ME3: variants seen among roughly 807,000 people sequenced by gnomAD.
ME3 encodes the protein malic enzyme 3.
In ME3, 48 loss-of-function variants were observed where a neutral mutation model predicts 68.9. The ratio of observed to expected loss-of-function variants is 0.70; its 90% CI spans 0.55 to 0.89. The LOEUF (loss-of-function observed/expected upper bound fraction) is 0.89. ME3 is among the 40% of genes least tolerant of loss of function. The probability of loss-of-function intolerance (pLI) is 0.00; values close to 1 mark genes in which losing one functional copy is unlikely to be tolerated. For missense variants in ME3, 675 were observed against 797.4 expected, an observed-to-expected ratio of 0.85 and a Z score of 1.85; for synonymous variants, 320 against 318.8, an observed-to-expected ratio of 1.00 and a Z score of -0.04.
chr11:86,599,209 T>A (rs191000259), intron 2 of ME3, among the ~76,000 whole-genome samples: 5,491 of 152,068 alleles, frequency 0.036, 129 homozygotes, highest in Non-Finnish European at 0.054. Context: ...TTGAAAAAAA[T>A]TTAGACGAAT....
At chr11:86,586,681 GCA>G (rs1343277144) in intron 2 of ME3, among the ~76,000 whole-genome samples, 1 of 152,148 alleles carries the variant, frequency 6.6e-6, no homozygotes, top group Non-Finnish European at 1.5e-5. Context: ...TCAAATAGGA[GCA>G]GAGAAACAGA....
Position 86,452,946 on chromosome 11 carries a change from G to A in ME3, c.920-2548C>T, listed in dbSNP as rs189119506. Among the ~76,000 whole-genome samples, 432 of 152,246 alleles carry A rather than the reference G, an allele frequency of 2.8e-3. 1 individual carries two copies. Among genetic ancestry groups the A allele is most frequent in the Middle Eastern group, 0.01 (3 of 294 alleles). On this transcript the variant is annotated intron_variant, in intron 8 of 14. Transcript: ENST00000543262. ...AAGGTGAGAATGTCTTCATTTGTTG[G>A]AAAAATAGTTGAATGTTGTGAGGCA...
At chr11:86,526,871 C>G (rs546857710) in intron 4 of ME3, among the ~76,000 whole-genome samples, 13 of 152,278 alleles carry the variant, frequency 8.5e-5, no homozygotes, top group African/African-American at 3.1e-4. Flanking sequence ...CTGTACGTCA[C>G]CATCATCACA....
intron 7 of ME3, among the ~76,000 whole-genome samples, chr11:86,476,415 A>T (rs536186986): frequency 6.6e-6 from 1 of 152,318 alleles, no homozygotes; most frequent in Admixed American, 6.5e-5. Flanking sequence ...AGGCTTCTAT[A>T]TGTGGAGCCT....
chr11:86,663,081 T>G (rs530278), intron 2 of ME3, among the ~76,000 whole-genome samples: 150,157 of 152,328 alleles, frequency 0.99, 74,036 homozygotes, highest in Non-Finnish European at 1. Flanking sequence ...AGATGTTTCA[T>G]GACCAATTAA....
At chr11:86,559,642 C>G (rs34249558) in intron 3 of ME3, 48 bp downstream of exon 3, 16 of 1,556,310 alleles carry the variant, frequency 1.0e-5, no homozygotes, top group Non-Finnish European at 1.4e-5. Flanking sequence ...AGGAAACAGA[C>G]AGCTCAGCCC....
intron 4 of ME3, among the ~76,000 whole-genome samples, chr11:86,509,429 CGCAT>C (rs1290375191): frequency 4.2e-5 from 4 of 94,248 alleles, no homozygotes; most frequent in Non-Finnish European, 1.2e-4. Flanking sequence ...CACACACACA[CGCAT>C]GTGCGAAGGC....
chr11:86,655,290 G>C (rs1208791867), intron 2 of ME3, among the ~76,000 whole-genome samples: 4 of 152,080 alleles, frequency 2.6e-5, no homozygotes, highest in Non-Finnish European at 2.9e-5. Flanking sequence ...GCATCGCCAA[G>C]TCAATCCTAA....
At chr11:86,511,028 A>G (rs560286989) in intron 4 of ME3, among the ~76,000 whole-genome samples, 2 of 152,162 alleles carry the variant, frequency 1.3e-5, no homozygotes, top group Non-Finnish European at 1.5e-5. Flanking sequence ...CCCTTCTTTT[A>G]TACAACCCGT....
chr11:86,619,732 T>A lies in ME3; in HGVS notation c.183+52030A>T, dbSNP rs149640237. Among the ~76,000 whole-genome samples, 131 of 152,370 alleles carry A rather than the reference T, an allele frequency of 8.6e-4. 1 individual carries two copies. Among genetic ancestry groups the A allele is most frequent in the African/African-American group, 3.0e-3 (126 of 41,590 alleles). On this transcript the variant is annotated intron_variant, in intron 2 of 14. Coordinates refer to ENST00000543262, the Ensembl canonical transcript of ME3. ...AGTCCATTAAGCCTCCTTTTCTTTA[T>A]AAATTACCTCGTCTGGGGTATGTCT...
intron 4 of ME3, among the ~76,000 whole-genome samples, chr11:86,532,992 C>T (rs1233811594): frequency 6.6e-6 from 1 of 151,624 alleles, no homozygotes; most frequent in Admixed American, 6.6e-5. Context: ...GCAGAGGTTG[C>T]AGTGAGCTGA....
chr11:86,624,941 T>C (rs1943566778), intron 2 of ME3, among the ~76,000 whole-genome samples: 2 of 152,200 alleles, frequency 1.3e-5, no homozygotes, highest in Non-Finnish European at 2.9e-5. Context: ...ATTTGGACTA[T>C]GTGTAGAGAG....
chr11:86,506,133 T>G (rs1272835957), intron 5 of ME3, among the ~76,000 whole-genome samples: 1 of 152,204 alleles, frequency 6.6e-6, no homozygotes, highest in Non-Finnish European at 1.5e-5. Flanking sequence ...TTCACTATCA[T>G]GGTCCCGGAT....
chr11:86,603,646 A>T (rs1174513349), intron 2 of ME3, among the ~76,000 whole-genome samples: 2 of 152,038 alleles, frequency 1.3e-5, no homozygotes, highest in African/African-American at 4.8e-5. Flanking sequence ...ACATGCATAC[A>T]TATGTTTATT....
chr11:86,591,304 C>A (rs1356897422), intron 2 of ME3, among the ~76,000 whole-genome samples: 2 of 152,186 alleles, frequency 1.3e-5, no homozygotes, highest in Non-Finnish European at 2.9e-5. Flanking sequence ...TGGGTCCTCC[C>A]AAAATTCATG....
chr11:86,467,588 T>C (rs375388708), intron 7 of ME3, among the ~76,000 whole-genome samples: 17 of 152,064 alleles, frequency 1.1e-4, no homozygotes, highest in African/African-American at 4.1e-4. Context: ...GCAGCTAAAA[T>C]GCTGAAAAGG....
chr11:86,597,859 G>T (rs757304489), intron 2 of ME3, among the ~76,000 whole-genome samples: 1 of 151,978 alleles, frequency 6.6e-6, no homozygotes, highest in Non-Finnish European at 1.5e-5. Flanking sequence ...TAACCTTAAG[G>T]TTATCATATC....
chr11:86,565,883 G>A (rs1957454489), intron 2 of ME3, among the ~76,000 whole-genome samples: 1 of 152,208 alleles, frequency 6.6e-6, no homozygotes, highest in African/African-American at 2.4e-5. Flanking sequence ...ATCAAGCCCT[G>A]TAGAGACAAT....
chr11:86,550,512 G>A (rs575444812), intron 4 of ME3, among the ~76,000 whole-genome samples: 1 of 152,274 alleles, frequency 6.6e-6, no homozygotes, highest in East Asian at 1.9e-4. Context: ...AACCAGAACC[G>A]GCTGCAGACC....
Sources: allele counts gnomAD v4.1 joint callset (sites outside exome capture counted in the v4.1 genomes callset), GRCh38; gene constraint gnomAD v4.1.1; transcripts MANE v1.5; gene names NCBI Gene and HGNC (gene_info 2026-07-23, HGNC 2026-07-21).